The following L3MBTL4 variants were observed in gnomAD, a reference collection of about 807,000 sequenced individuals.
The protein encoded by L3MBTL4 is L3MBTL histone methyl-lysine binding protein 4, also known as lethal(3)malignant brain tumor-like protein 4.
L3MBTL4 carries 70 observed loss-of-function variants against 84.5 expected under a neutral mutation model. The ratio of observed to expected loss-of-function variants is 0.83; its 90% CI spans 0.68 to 1.01. The LOEUF (loss-of-function observed/expected upper bound fraction) is 1.01, where lower values mean the gene tolerates loss of function less well. L3MBTL4 is among the 50% of genes least tolerant of loss of function. L3MBTL4 has a pLI of 0.00. For synonymous variants in L3MBTL4, 274 were observed against 259.8 expected, an observed-to-expected ratio of 1.05 and a Z score of -0.52; for missense variants, 715 against 754.8, an observed-to-expected ratio of 0.95 and a Z score of 0.62.
At chr18:5,968,530 T>G (rs928561059) in intron 17 of L3MBTL4, among the ~76,000 whole-genome samples, 3 of 151,728 alleles carry the variant, frequency 2.0e-5, no homozygotes, top group Non-Finnish European at 4.4e-5. Flanking sequence ...AGACCCCGTA[T>G]CCACAAAACA....
intron 1 of L3MBTL4, among the ~76,000 whole-genome samples, chr18:6,393,928 C>T (rs891625338): frequency 3.9e-4 from 59 of 152,288 alleles, no homozygotes; most frequent in African/African-American, 1.4e-3. Flanking sequence ...TCTACTCCCT[C>T]ACCACCTTCC....
At chr18:6,249,685 G>A (rs56826555) in intron 5 of L3MBTL4, among the ~76,000 whole-genome samples, 13,186 of 152,074 alleles carry the variant, frequency 0.087, 1,846 homozygotes, top group African/African-American at 0.29. Context: ...GAACTGACAG[G>A]TTTTAAAAAT....
chr18:6,405,589 A>C (rs2055695773), intron 1 of L3MBTL4, among the ~76,000 whole-genome samples: 1 of 151,834 alleles, frequency 6.6e-6, no homozygotes, highest in Admixed American at 6.6e-5. Flanking sequence ...AGTGCCTGCT[A>C]AATACAGGAA....
chr18:6,088,110 A>G (rs186528116), intron 15 of L3MBTL4, among the ~76,000 whole-genome samples: 1 of 152,344 alleles, frequency 6.6e-6, no homozygotes, highest in East Asian at 1.9e-4. Context: ...CAAACTATTA[A>G]AAAGGTACAT....
chr18:6,231,366 T>A (rs1453646444), intron 10 of L3MBTL4, among the ~76,000 whole-genome samples: 1 of 152,186 alleles, frequency 6.6e-6, no homozygotes, highest in Non-Finnish European at 1.5e-5. Context: ...TTTTGCCTAC[T>A]TATCAAAGAT....
At chr18:6,261,264 G>T (rs1205815618) in intron 5 of L3MBTL4, among the ~76,000 whole-genome samples, 4 of 152,190 alleles carry the variant, frequency 2.6e-5, no homozygotes, top group African/African-American at 4.8e-5. Flanking sequence ...CACACACAGA[G>T]TCTTAAACAC....
At chr18:6,085,237 T>C (rs781553294) in intron 15 of L3MBTL4, among the ~76,000 whole-genome samples, 3 of 146,738 alleles carry the variant, frequency 2.0e-5, no homozygotes, top group African/African-American at 5.4e-5. Flanking sequence ...CTGGAAACCA[T>C]GGTCATTAGG....
At chr18:6,007,075 G>A (rs570723102) in intron 16 of L3MBTL4, among the ~76,000 whole-genome samples, 2 of 151,978 alleles carry the variant, frequency 1.3e-5, no homozygotes, top group East Asian at 1.9e-4. Flanking sequence ...ATAAAAAAAT[G>A]GTAAACAAGG....
intron 1 of L3MBTL4, among the ~76,000 whole-genome samples, chr18:6,322,611 T>C (rs1297036223): frequency 1.3e-5 from 2 of 151,856 alleles, no homozygotes; most frequent in Non-Finnish European, 2.9e-5. Flanking sequence ...AACCTAAGTA[T>C]CCATGAACAG....
At chr18:5,976,789 C>T (rs1404684235) in intron 16 of L3MBTL4, among the ~76,000 whole-genome samples, 1 of 152,140 alleles carries the variant, frequency 6.6e-6, no homozygotes, top group Non-Finnish European at 1.5e-5. Context: ...TTTTCATTTA[C>T]TACAAAAGCA....
intron 10 of L3MBTL4, among the ~76,000 whole-genome samples, chr18:6,226,503 G>C (rs926161804): frequency 1.3e-5 from 2 of 152,112 alleles, no homozygotes; most frequent in Admixed American, 1.3e-4. Context: ...AGAACATATA[G>C]AAGGTAAAAT....
chr18:6,173,898 G>A (rs540598355), intron 12 of L3MBTL4, among the ~76,000 whole-genome samples: 3 of 152,236 alleles, frequency 2.0e-5, no homozygotes, highest in African/African-American at 7.2e-5. Context: ...GCTGATACGG[G>A]GCTGAGAATG....
At chr18:6,044,820 T>A (rs2056545372) in intron 16 of L3MBTL4, among the ~76,000 whole-genome samples, 1 of 152,190 alleles carries the variant, frequency 6.6e-6, no homozygotes, top group Admixed American at 6.5e-5. Context: ...GAAGAGTAAC[T>A]TTTGTACCTA....
At chr18:6,289,447 T>C (rs2049745515) in intron 4 of L3MBTL4, among the ~76,000 whole-genome samples, 1 of 152,220 alleles carries the variant, frequency 6.6e-6, no homozygotes, top group African/African-American at 2.4e-5. Context: ...GCAATTCCTA[T>C]TCCTAACACT....
At chr18:6,034,715 C>A (rs1255337352) in intron 16 of L3MBTL4, among the ~76,000 whole-genome samples, 16 of 151,606 alleles carry the variant, frequency 1.1e-4, no homozygotes, top group Admixed American at 2.6e-4. Flanking sequence ...TCCCTGAGGA[C>A]TCGCCACACT....
chr18:6,040,890 A>G (rs1286656186), intron 16 of L3MBTL4, among the ~76,000 whole-genome samples: 3 of 152,070 alleles, frequency 2.0e-5, no homozygotes, highest in Admixed American at 2.0e-4. Flanking sequence ...CAACATAATA[A>G]TATATTTACA....
intron 13 of L3MBTL4, among the ~76,000 whole-genome samples, chr18:6,162,930 G>C (rs183343320): frequency 6.6e-6 from 1 of 152,186 alleles, no homozygotes; most frequent in African/African-American, 2.4e-5. Context: ...CGATAGGTGA[G>C]TAATGCATTG....
Position 5,967,407 on chromosome 18 carries a change from C to T in L3MBTL4, c.1614+1986G>A, listed in dbSNP as rs921253667. Among the ~76,000 whole-genome samples the T allele has an allele frequency of 3.3e-5, 5 of 152,332 alleles. No homozygotes were observed. The East Asian group carries it at 5.8e-4, about 18-fold the overall frequency. ...TATCATGATTAATGCCTGCACAGGGCGTGGTGCACGTCTGCCATCACTAAG... is the reference window on the plus strand; with the variant it reads ...TATCATGATTAATGCCTGCACAGGGTGTGGTGCACGTCTGCCATCACTAAG... On this transcript the variant is annotated intron_variant, in intron 17 of 18. Transcript: ENST00000317931.
chr18:6,029,204 TA>T (rs2055656565), intron 16 of L3MBTL4, among the ~76,000 whole-genome samples: 1 of 152,164 alleles, frequency 6.6e-6, no homozygotes, highest in African/African-American at 2.4e-5. Flanking sequence ...AAAGTAGAAT[TA>T]AGTGAAGGCA....
Sources: allele counts gnomAD v4.1 joint callset (sites outside exome capture counted in the v4.1 genomes callset), GRCh38; gene constraint gnomAD v4.1.1; transcripts MANE v1.5; gene names NCBI Gene and HGNC (gene_info 2026-07-23, HGNC 2026-07-21).